The following AGPAT5 variants were observed in gnomAD, a reference collection of about 807,000 sequenced individuals.
The protein encoded by AGPAT5 is 1-acylglycerol-3-phosphate O-acyltransferase 5.
AGPAT5 carries 46 observed loss-of-function variants against 45.6 expected under a neutral mutation model. The observed-to-expected ratio is 1.01, with a 90% CI of 0.80 to 1.29. The LOEUF (loss-of-function observed/expected upper bound fraction) is 1.29, where lower values mean the gene tolerates loss of function less well. Among genes scored for constraint, AGPAT5 ranks in the 50% most tolerant of loss-of-function variants. AGPAT5 has a pLI of 0.00. For synonymous variants in AGPAT5, 272 were observed against 167.0 expected (o/e 1.63, Z -4.85); for missense variants, 673 against 450.7 (o/e 1.49, Z -4.47).
intron 2 of AGPAT5, among the ~76,000 whole-genome samples, chr8:6,725,838 C>T (rs1800667585): frequency 6.6e-6 from 1 of 152,170 alleles, no homozygotes. Context: ...ATATAGTACT[C>T]TTAGGGAAAT....
intron 1 of AGPAT5, among the ~76,000 whole-genome samples, chr8:6,715,747 A>G (rs1385473276): frequency 6.6e-6 from 1 of 152,240 alleles, no homozygotes; most frequent in African/African-American, 2.4e-5. Context: ...CACTGAAATT[A>G]GAGACGTGTT....
At chr8:6,725,906 T>C (rs1428364173) in intron 2 of AGPAT5, among the ~76,000 whole-genome samples, 1 of 152,170 alleles carries the variant, frequency 6.6e-6, no homozygotes, top group Non-Finnish European at 1.5e-5. Context: ...CTTCATGATT[T>C]TGTGGTTTTT....
chr8:6,725,213 AAAG>A (rs759568018), intron 2 of AGPAT5, among the ~76,000 whole-genome samples: 35 of 152,146 alleles, frequency 2.3e-4, no homozygotes, highest in Admixed American at 1.3e-3. Flanking sequence ...GTAGCTCTTT[AAAG>A]AGTGTATTCA....
chr8:6,744,598 G>A (rs371327160), intron 5 of AGPAT5, among the ~76,000 whole-genome samples: 20 of 152,084 alleles, frequency 1.3e-4, no homozygotes, highest in Non-Finnish European at 2.4e-4. Context: ...TGCTTGGTTC[G>A]AGGTCCTGTG....
rs1801999866 is a variant in AGPAT5 at position 6,760,489 on chromosome 8, G to A, written c.*3101G>A. On this transcript the variant is annotated 3_prime_UTR_variant, in exon 8 of 8. Transcript: ENST00000285518. ...ATATGTACCACAAAAAATGTGAAAA[G>A]AGAGAGAAATGTCTACCAAAGCAGT... Among the ~76,000 whole-genome samples, 1 of 145,340 alleles carries A rather than the reference G, an allele frequency of 6.9e-6. No homozygotes were observed. The highest frequency in any genetic ancestry group is 7.0e-5 in the Admixed American group (1 of 14,354).
chr8:6,744,587 G>T (rs986885980), intron 5 of AGPAT5, among the ~76,000 whole-genome samples: 7 of 152,138 alleles, frequency 4.6e-5, no homozygotes, highest in African/African-American at 1.7e-4. Flanking sequence ...CTGGGATCCT[G>T]TGCTTGGTTC....
intron 6 of AGPAT5, among the ~76,000 whole-genome samples, chr8:6,748,184 C>A (rs181552662): frequency 1.3e-5 from 2 of 152,210 alleles, no homozygotes; most frequent in African/African-American, 4.8e-5. Flanking sequence ...TGCCCTTTTG[C>A]TGTATTTTTC....
chr8:6,725,685 T>C (rs1800660888), intron 2 of AGPAT5, among the ~76,000 whole-genome samples: 1 of 152,216 alleles, frequency 6.6e-6, no homozygotes, highest in Non-Finnish European at 1.5e-5. Context: ...ATCCCACTTC[T>C]TATGTTTTCA....
At chr8:6,725,641 T>C (rs1800659668) in intron 2 of AGPAT5, among the ~76,000 whole-genome samples, 1 of 152,236 alleles carries the variant, frequency 6.6e-6, no homozygotes, top group Non-Finnish European at 1.5e-5. Context: ...TAAGGTACTT[T>C]TTAATTCTCC....
In AGPAT5 at chr8:6,732,552, T is replaced by C. The variant is rs375690911; in HGVS notation, c.406-9T>C. ...GTAAATGCTCTTTCTCCCGATTTGATTGTGGCAGCATGGAGGAATCTATGT... is the reference window on the plus strand; with the variant it reads ...GTAAATGCTCTTTCTCCCGATTTGACTGTGGCAGCATGGAGGAATCTATGT... On this transcript the variant is annotated splice_polypyrimidine_tract_variant and intron_variant, in intron 3 of 7. Coordinates refer to ENST00000285518, the MANE Select transcript of AGPAT5 (RefSeq NM_018361.5). 12 of 1,584,646 alleles carry C rather than the reference T, an allele frequency of 7.6e-6. No individual in the cohort carries two copies. Among genetic ancestry groups the C allele is most frequent in the East Asian group, 4.5e-5 (2 of 44,112 alleles).
rs192955343 is a variant in AGPAT5, at chr8:6,744,385, C to T, written c.586+2634C>T. Among the ~76,000 whole-genome samples, 443 of 152,346 alleles carry T rather than the reference C, an allele frequency of 2.9e-3. 3 individuals are homozygous for T. The highest frequency in any genetic ancestry group is 9.7e-3 in the African/African-American group (402 of 41,582). ...AAGGTGTGTTTGCTCCCTGTGGCTGCTCTCAGGCAGGGCCACAAACTTGGT... is the reference window on the plus strand; with the variant it reads ...AAGGTGTGTTTGCTCCCTGTGGCTGTTCTCAGGCAGGGCCACAAACTTGGT... On this transcript the variant is annotated intron_variant, in intron 5 of 7. Coordinates refer to ENST00000285518, the MANE Select transcript of AGPAT5 (RefSeq NM_018361.5).
intron 1 of AGPAT5, among the ~76,000 whole-genome samples, chr8:6,722,045 G>T (rs1324740169): frequency 6.6e-6 from 1 of 152,078 alleles, no homozygotes; most frequent in African/African-American, 2.4e-5. Flanking sequence ...TTGTGAAAAA[G>T]TGACTAGTCA....
At chr8:6,737,874 A>T (rs1323381997) in intron 4 of AGPAT5, among the ~76,000 whole-genome samples, 1 of 152,174 alleles carries the variant, frequency 6.6e-6, no homozygotes, top group Non-Finnish European at 1.5e-5. Context: ...AAACCTCACG[A>T]ACCAACCTCT....
At chr8:6,718,611 A>G (rs1308887947) in intron 1 of AGPAT5, among the ~76,000 whole-genome samples, 1 of 152,224 alleles carries the variant, frequency 6.6e-6, no homozygotes, top group Non-Finnish European at 1.5e-5. Flanking sequence ...ATGTTGATTT[A>G]CAGGCGGCTG....
chr8:6,723,670 T>G (rs958612373), intron 1 of AGPAT5, among the ~76,000 whole-genome samples: 1 of 152,374 alleles, frequency 6.6e-6, no homozygotes, highest in East Asian at 1.9e-4. Context: ...ATGTCATCGA[T>G]AAACTTTATG....
chr8:6,749,974 G>T (rs1309895818), intron 6 of AGPAT5, among the ~76,000 whole-genome samples: 1 of 152,138 alleles, frequency 6.6e-6, no homozygotes, highest in Admixed American at 6.5e-5. Context: ...TGAAGCCTCG[G>T]CCGTGGTGAA....
At chr8:6,736,697 G>A (rs188701784) in intron 4 of AGPAT5, among the ~76,000 whole-genome samples, 14 of 152,346 alleles carry the variant, frequency 9.2e-5, no homozygotes, top group Admixed American at 3.3e-4. Context: ...CTCCTCTAGC[G>A]TGGGCCCCAC....
chr8:6,732,885 T>A (rs1236457758), intron 4 of AGPAT5, among the ~76,000 whole-genome samples: 1 of 152,182 alleles, frequency 6.6e-6, no homozygotes, highest in East Asian at 1.9e-4. Context: ...TAAAGAGGAA[T>A]AAAAAGAGCA....
chr8:6,738,853 T>A (rs182797235), intron 4 of AGPAT5, among the ~76,000 whole-genome samples: 1 of 152,186 alleles, frequency 6.6e-6, no homozygotes, highest in Non-Finnish European at 1.5e-5. Flanking sequence ...TTTTCTCTCA[T>A]AATTTCCACT....
Sources: gnomAD v4.1 joint callset for allele counts (sites outside exome capture counted in the v4.1 genomes callset) on GRCh38, gnomAD v4.1.1 for gene constraint, MANE v1.5 for transcripts, NCBI Gene and HGNC (gene_info 2026-07-23, HGNC 2026-07-21) for gene names.